The following AHNAK variants were observed in gnomAD, a reference collection of about 807,000 sequenced individuals.
The protein encoded by AHNAK is neuroblast differentiation-associated protein AHNAK.
A neutral mutation model predicts 37.8 loss-of-function variants in AHNAK; 23 were observed. The observed-to-expected ratio is 0.61, with a 90% CI of 0.44 to 0.86. The LOEUF (loss-of-function observed/expected upper bound fraction) is 0.86. AHNAK is among the 40% of genes least tolerant of loss of function. AHNAK has a pLI of 0.00. For synonymous variants in AHNAK, 2,481 were observed against 2,636.3 expected (o/e 0.94, Z 1.80); for missense variants, 7,411 against 7,319.4 (o/e 1.01, Z -0.46).
At chr11:62,456,550 C>T (rs901327315) in intron 5 of AHNAK, among the ~76,000 whole-genome samples, 2 of 152,192 alleles carry the variant, frequency 1.3e-5, no homozygotes, top group Non-Finnish European at 2.9e-5. Flanking sequence ...GCTGGGTTGG[C>T]TCTCAGACCA....
chr11:62,517,530 T>C lies in AHNAK; in HGVS notation c.16887A>G (p.Lys5629=). ...GAGCCTGGAGTCCAATCTGACCTCC[T>C]TTCACACCTCCTTCCACCTTTGGTC... ...FSGPKVEGGV[K]GGQIGLQAPG... The change falls in exon 5 of 5, where the codon AAA becomes AAG. Residue 5629 remains lysine (K), a synonymous_variant. Coordinates refer to ENST00000378024, the MANE Select transcript of AHNAK (RefSeq NM_001620.3). 6.2e-7 allele frequency: 1 copy of C among 1,614,122 alleles called. No homozygotes were observed.
chr11:62,492,844 C>T (rs1939526609), intron 4 of AHNAK, among the ~76,000 whole-genome samples: 1 of 141,500 alleles, frequency 7.1e-6, no homozygotes, highest in Non-Finnish European at 1.5e-5. Context: ...CACCACTGCA[C>T]TCCAGCCGGG....
In AHNAK at chr11:62,532,906, T is replaced by C; in HGVS notation, c.1511A>G (p.Asp504Gly). 6.2e-7 allele frequency: 1 copy of C among 1,614,128 alleles called. No homozygotes were observed. The highest frequency in any genetic ancestry group is 8.5e-7 in the Non-Finnish European group (1 of 1,180,018). ...IIQKPKISMQ[D>G]VDLSLGSPKL... ...AGGAGACCCAAGGCTCAGATCCACA[T>C]CCTGCATGGAGATTTTAGGTTTCTG... The change falls in exon 5 of 5, where the codon GAT (aspartate) becomes GGT (glycine). Residue 504 changes from aspartate to glycine, a missense_variant. Physicochemically the swap from Asp to Gly is moderately conservative, Grantham distance 94. Transcript: ENST00000378024.
chr11:62,434,526 T>C (rs1291303139), intron 5 of AHNAK, among the ~76,000 whole-genome samples: 1 of 152,120 alleles, frequency 6.6e-6, no homozygotes, highest in Non-Finnish European at 1.5e-5. Flanking sequence ...CTCATGGGCC[T>C]CCTGGCCTGG....
Position 62,520,636 on chromosome 11 carries a change from G to T in AHNAK, c.13781C>A (p.Ser4594Tyr), listed in dbSNP as rs545438626. The change falls in exon 5 of 5, where the codon TCT (serine) becomes TAT (tyrosine). Residue 4594 changes from serine to tyrosine, a missense_variant. Coordinates refer to ENST00000378024, the MANE Select transcript of AHNAK (RefSeq NM_001620.3). ...CAGATTCAGGTCAACTTCAGGCATA[G>T]AGATCTTCGGTGCCTTGAGGTGTAA... is the stretch of plus-strand genomic sequence containing the variant. ...PDLHLKAPKISMPEVDLNLKG... is the reference protein window; with the variant it reads ...PDLHLKAPKIYMPEVDLNLKG... 5.6e-6 allele frequency: 9 copies of T among 1,614,118 alleles called. No individual in the cohort carries two copies. The highest frequency in any genetic ancestry group is 4.5e-5 in the East Asian group (2 of 44,870).
Position 62,523,641 on chromosome 11 carries a change from A to G in AHNAK, c.10776T>C (p.Asp3592=). The G allele has an allele frequency of 6.2e-7, 1 of 1,614,096 alleles. No homozygotes were observed. Among genetic ancestry groups the G allele is most frequent in the Non-Finnish European group, 8.5e-7 (1 of 1,180,020 alleles). ...TCAGATGCCAGTCTGGACCATGAAC[A>G]TCCACATCTGGGGCATTGATGTCCA... ...PKVDINAPDV[D]VHGPDWHLKM... The change falls in exon 5 of 5, where the codon GAT becomes GAC. Residue 3592 remains aspartate (D), a synonymous_variant. Transcript: ENST00000378024.
exon 6 of AHNAK, chr11:62,433,879 CGCTTCTACA>C: frequency 6.2e-7 from 1 of 1,613,826 alleles, no homozygotes. Flanking sequence ...TCTTCCTGGC[CGCTTCTACA>C]GTCCTGTAAA....
chr11:62,450,816 A>G (rs1938521708), intron 5 of AHNAK, among the ~76,000 whole-genome samples: 1 of 152,266 alleles, frequency 6.6e-6, no homozygotes, highest in African/African-American at 2.4e-5. Flanking sequence ...CTGGGCATCT[A>G]GCACAGCACC....
At chr11:62,433,946 T>C (rs1938104455) in intron 5 of AHNAK, 1 of 1,598,568 alleles carries the variant, frequency 6.3e-7, no homozygotes, top group African/African-American at 1.4e-5. Flanking sequence ...CATCTCTCCA[T>C]AAAATCAGAA....
In AHNAK at chr11:62,473,414, G is replaced by T. The variant is rs951898898; in HGVS notation, c.442+18318C>A. Among the ~76,000 whole-genome samples the T allele has an allele frequency of 2.4e-4, 32 of 132,524 alleles. No homozygotes were observed. The South Asian group carries it at 4.1e-3, about 17-fold the overall frequency. The allele number at this position is 132,524 out of a possible 152,430, so 86.9% of individuals were successfully genotyped here. A position where few individuals can be genotyped will look rare whatever the true frequency, so the allele number is the denominator to read the frequency against. ...AAAAAAAAAAAAAAAAAAAAAAAAA[G>T]GCTGGGTGCGGTGGCTCACGCCTGT... On this transcript the variant is annotated intron_variant, in intron 5 of 5. Transcript: ENST00000257247.
intron 5 of AHNAK, among the ~76,000 whole-genome samples, chr11:62,449,085 T>A (rs1259432121): frequency 4.6e-5 from 7 of 151,812 alleles, no homozygotes; most frequent in Admixed American, 3.9e-4. Context: ...ATAATAATAA[T>A]AATAAAGTTC....
intron 5 of AHNAK, among the ~76,000 whole-genome samples, chr11:62,464,667 C>A (rs79288575): frequency 8.4e-5 from 12 of 142,032 alleles, no homozygotes; most frequent in Admixed American, 2.8e-4. Flanking sequence ...GATTCCGTCT[C>A]AAAAAAAAAA....
At chr11:62,490,633 G>A (rs1215413273) in intron 5 of AHNAK, among the ~76,000 whole-genome samples, 1 of 152,150 alleles carries the variant, frequency 6.6e-6, no homozygotes, top group Non-Finnish European at 1.5e-5. Flanking sequence ...GGAGGAAGGA[G>A]GGTCCACAGG....
chr11:62,472,071 T>A (rs1939046838), intron 5 of AHNAK, among the ~76,000 whole-genome samples: 1 of 151,866 alleles, frequency 6.6e-6, no homozygotes. Flanking sequence ...CACAGCCCCC[T>A]TGTTGAGGCA....
intron 5 of AHNAK, among the ~76,000 whole-genome samples, chr11:62,474,840 C>A (rs1939110671): frequency 6.6e-6 from 1 of 152,166 alleles, no homozygotes; most frequent in African/African-American, 2.4e-5. Context: ...TGTCTTCCTT[C>A]TCCCACCTTC....
chr11:62,507,437 T>C (rs1369075432), intron 4 of AHNAK, among the ~76,000 whole-genome samples: 1 of 152,186 alleles, frequency 6.6e-6, no homozygotes, highest in East Asian at 1.9e-4. Context: ...ATTATGTTAA[T>C]TTAAATCATC....
At chr11:62,510,692 C>T (rs1939893492) in intron 4 of AHNAK, among the ~76,000 whole-genome samples, 1 of 151,676 alleles carries the variant, frequency 6.6e-6, no homozygotes, top group Non-Finnish European at 1.5e-5. Context: ...TGTGGTGAGC[C>T]AAGAGTATGC....
chr11:62,524,795 T>G lies in AHNAK; in HGVS notation c.9622A>C (p.Lys3208Gln), dbSNP rs552803929. Reference sequence around the variant, plus strand: ...GCTTTGATGTTCATCTCTGGCATCTTGAATTTAGGGCCCTTCAGTTTCGCA... The same window carrying G: ...GCTTTGATGTTCATCTCTGGCATCTGGAATTTAGGGCCCTTCAGTTTCGCA... ...PDAKLKGPKF[K>Q]MPEMNIKAPK... is the part of the protein sequence containing the mutation. Residue 3208 changes from lysine (K) to glutamine (Q), a missense_variant, in exon 5 of 5, where the codon AAG (lysine) becomes CAG (glutamine). By Grantham distance (53) the Lys-to-Gln change is moderately conservative (BLOSUM62 1). Coordinates refer to ENST00000378024, the MANE Select transcript of AHNAK (RefSeq NM_001620.3). The G allele has an allele frequency of 7.4e-6, 12 of 1,614,204 alleles. No homozygotes were observed. The South Asian group carries it at 1.3e-4, about 18-fold the overall frequency.
At chr11:62,501,016 C>T (rs1939702067) in intron 4 of AHNAK, among the ~76,000 whole-genome samples, 1 of 151,612 alleles carries the variant, frequency 6.6e-6, no homozygotes, top group South Asian at 2.1e-4. Context: ...CCCAAGAGTT[C>T]GAGACCAGCC....
Sources: gnomAD v4.1 joint callset for allele counts (sites outside exome capture counted in the v4.1 genomes callset) on GRCh38, gnomAD v4.1.1 for gene constraint, MANE v1.5 for transcripts, NCBI Gene and HGNC (gene_info 2026-07-23, HGNC 2026-07-21) for gene names.